MED27: variants seen among roughly 807,000 people sequenced by gnomAD.
MED27 encodes the protein mediator complex subunit 27, also known as mediator of RNA polymerase II transcription subunit 27.
In MED27, 30 loss-of-function variants were observed where a neutral mutation model predicts 38.2. That is an observed-to-expected ratio of 0.79 (90% confidence interval 0.59 to 1.07). The LOEUF is 1.07. MED27 is among the 50% of genes least tolerant of loss of function. The pLI, the probability that MED27 is intolerant of heterozygous loss-of-function variation, is 0.00. For synonymous variants in MED27, 122 were observed against 153.5 expected (o/e 0.79, Z 1.52); for missense variants, 289 against 397.5 (o/e 0.73, Z 2.32).
rs868344905 is a variant in MED27 at position 131,873,719 on chromosome 9, G to A, written c.723+10339C>T. Among the ~76,000 whole-genome samples, 5 of 152,232 alleles carry A rather than the reference G, an allele frequency of 3.3e-5. No homozygotes were observed. In the South Asian group the frequency reaches 8.3e-4, roughly 25 times the overall value. On this transcript the variant is annotated intron_variant, in intron 6 of 7. Transcript: ENST00000292035. ...CAAGGCTGCCTGAGCTGGAACTGGA[G>A]AGGTGAAGGCAGACATTGCTGCTCC...
At chr9:132,005,336 G>A (rs1480941443) in intron 3 of MED27, among the ~76,000 whole-genome samples, 1 of 152,204 alleles carries the variant, frequency 6.6e-6, no homozygotes, top group Non-Finnish European at 1.5e-5. Context: ...AAGAAACAGT[G>A]CTTGGGCCGT....
At chr9:131,984,935 A>C (rs1831816816) in intron 3 of MED27, among the ~76,000 whole-genome samples, 1 of 152,034 alleles carries the variant, frequency 6.6e-6, no homozygotes, top group Non-Finnish European at 1.5e-5. Context: ...TTACAAGTCC[A>C]GTTTTCTTTT....
intron 3 of MED27, among the ~76,000 whole-genome samples, chr9:131,986,807 C>T (rs1831860444): frequency 6.6e-6 from 1 of 152,090 alleles, no homozygotes; most frequent in African/African-American, 2.4e-5. Flanking sequence ...CTCACTTCAC[C>T]ATTTCTCATC....
At chr9:132,008,643 C>T (rs1364514962) in intron 3 of MED27, among the ~76,000 whole-genome samples, 4 of 152,126 alleles carry the variant, frequency 2.6e-5, no homozygotes, top group Admixed American at 1.3e-4. Flanking sequence ...CCGTTAGAGC[C>T]CTGCATTTTA....
At chr9:131,945,968 TAA>T (rs763561881) in intron 3 of MED27, among the ~76,000 whole-genome samples, 78 of 114,264 alleles carry the variant, frequency 6.8e-4, no homozygotes, top group African/African-American at 1.7e-3. Flanking sequence ...CCCTATCTCT[TAA>T]AAAAAAAAAA....
At chr9:131,968,906 G>A (rs1267270797) in intron 3 of MED27, among the ~76,000 whole-genome samples, 1 of 152,154 alleles carries the variant, frequency 6.6e-6, no homozygotes. Context: ...TCACAGGAGT[G>A]TGAACCTGAT....
rs1187506178 is a variant in MED27, at chr9:131,918,739, T to C, written c.573+20642A>G. Among the ~76,000 whole-genome samples the C allele has an allele frequency of 3.9e-5, 6 of 152,172 alleles. No homozygotes were observed. The East Asian group carries it at 1.2e-3, about 29-fold the overall frequency. ...AACAGTAGGATCTCTCCCACTGTGC[T>C]TTAATGTGCAAGCCACCAGAAATTC... On this transcript the variant is annotated intron_variant, in intron 4 of 7. Transcript: ENST00000292035.
At chr9:132,030,463 G>A (rs1164586627) in intron 2 of MED27, among the ~76,000 whole-genome samples, 1 of 152,182 alleles carries the variant, frequency 6.6e-6, no homozygotes, top group Non-Finnish European at 1.5e-5. Flanking sequence ...AGAAAGGCCA[G>A]TCCTTTCTTT....
intron 4 of MED27, among the ~76,000 whole-genome samples, chr9:131,915,328 G>T (rs1830269086): frequency 6.6e-6 from 1 of 152,144 alleles, no homozygotes; most frequent in African/African-American, 2.4e-5. Context: ...AATTCCATTT[G>T]GCAAGTCTCA....
intron 2 of MED27, among the ~76,000 whole-genome samples, chr9:132,061,079 C>G (rs1159535705): frequency 1.3e-5 from 2 of 152,174 alleles, no homozygotes; most frequent in Non-Finnish European, 2.9e-5. Context: ...GATACAAGAG[C>G]CTTTCTGCAT....
intron 4 of MED27, among the ~76,000 whole-genome samples, chr9:131,922,141 T>C (rs1589213601): frequency 6.6e-6 from 1 of 151,432 alleles, no homozygotes. Context: ...CTGCACATTG[T>C]GCACATGTAC....
intron 2 of MED27, 116 bp downstream of exon 2, chr9:132,077,326 C>G (rs1432088689): frequency 9.6e-7 from 1 of 1,046,612 alleles, no homozygotes; most frequent in Non-Finnish European, 1.4e-6. Flanking sequence ...TCTATAACCC[C>G]ATGCTGAATC....
At chr9:132,033,934 T>G (rs1833018024) in intron 2 of MED27, among the ~76,000 whole-genome samples, 1 of 152,242 alleles carries the variant, frequency 6.6e-6, no homozygotes, top group Non-Finnish European at 1.5e-5. Context: ...ATCTACACTT[T>G]CAATTTGAGA....
chr9:132,077,395 A>T, intron 2 of MED27, 47 bp downstream of exon 2: 1 of 1,567,018 alleles, frequency 6.4e-7, no homozygotes, highest in Non-Finnish European at 8.7e-7. Context: ...GAATATAAGA[A>T]AACTTGGTTT....
At position 131,917,663 on chromosome 9, in the gene MED27, G is replaced by A. The variant is rs1202959989; in HGVS notation, c.573+21718C>T. On this transcript the variant is annotated intron_variant, in intron 4 of 7. Transcript: ENST00000292035. This position sits in a 1 kb window ranked among gnomAD's most constrained non-coding sequence, Gnocchi z 4.6. ...GGATGCCACCCGCAATGTAATCAGT[G>A]CTAGAGATTACAGTTTGGGGTTATC... is the stretch of plus-strand genomic sequence containing the variant. 6.6e-6 allele frequency among the ~76,000 whole-genome samples: 1 copy of A among 152,188 alleles called. No homozygotes were observed. The highest frequency in any genetic ancestry group is 1.5e-5 in the Non-Finnish European group (1 of 68,038).
chr9:132,025,837 G>A (rs9411335), intron 2 of MED27, among the ~76,000 whole-genome samples: 83,392 of 152,108 alleles, frequency 0.55, 25,569 homozygotes, highest in Non-Finnish European at 0.67. Flanking sequence ...ATTATGATTA[G>A]TGTTAATCGG....
chr9:132,078,659 C>G (rs1834109073), intron 1 of MED27, among the ~76,000 whole-genome samples: 1 of 152,114 alleles, frequency 6.6e-6, no homozygotes. Flanking sequence ...CATCTGGTTA[C>G]TAAGGAGACC....
Position 131,913,064 on chromosome 9 carries a change from C to A in MED27, c.574-19072G>T, listed in dbSNP as rs113312212. 0.033 allele frequency among the ~76,000 whole-genome samples: 5,006 copies of A among 152,296 alleles called. 291 individuals carry two copies. Among genetic ancestry groups the A allele is most frequent in the African/African-American group, 0.11 (4,685 of 41,554 alleles). On this transcript the variant is annotated intron_variant, in intron 4 of 7. Coordinates refer to ENST00000292035, the MANE Select transcript of MED27 (RefSeq NM_004269.4). This position sits in a 1 kb window ranked among gnomAD's most constrained non-coding sequence, Gnocchi z 4.5. Reference sequence around the variant, plus strand: ...TATCAACAAAACAATCATTTGATAACGCTTGTGTGAAGGAAGAAAATAGAA... The same window carrying A: ...TATCAACAAAACAATCATTTGATAAAGCTTGTGTGAAGGAAGAAAATAGAA...
chr9:132,052,117 G>A (rs932486231), intron 2 of MED27, among the ~76,000 whole-genome samples: 2 of 152,192 alleles, frequency 1.3e-5, no homozygotes, highest in Non-Finnish European at 2.9e-5. Context: ...GCAACACAGA[G>A]AGGGAACACC....
Sources: allele counts gnomAD v4.1 joint callset (sites outside exome capture counted in the v4.1 genomes callset), GRCh38; gene constraint gnomAD v4.1.1; non-coding constraint Gnocchi (gnomAD v3.1); transcripts MANE v1.5; gene names NCBI Gene and HGNC (gene_info 2026-07-23, HGNC 2026-07-21).